ABCA7: variants seen among roughly 807,000 people sequenced by gnomAD.
ABCA7 encodes phospholipid-transporting ATPase ABCA7.
Under a neutral mutation model 227.6 loss-of-function variants are expected in ABCA7, and 261 were observed. That is an observed-to-expected ratio of 1.15 (90% confidence interval 1.04 to 1.27). The LOEUF (loss-of-function observed/expected upper bound fraction) is 1.27. Ranked by LOEUF, ABCA7 falls within the 50% of genes most tolerant of loss-of-function variation. The probability of loss-of-function intolerance (pLI) is 0.00; values close to 1 mark genes in which losing one functional copy is unlikely to be tolerated. For synonymous variants in ABCA7, 1,488 were observed against 1,279.7 expected (o/e 1.16, Z -3.47); for missense variants, 3,331 against 2,924.5 (o/e 1.14, Z -3.21).
At chr19:1,044,088 C>A (rs890628371) in intron 10 of ABCA7, among the ~76,000 whole-genome samples, 3 of 151,218 alleles carry the variant, frequency 2.0e-5, no homozygotes, top group Admixed American at 6.6e-5. Flanking sequence ...AGGCGCCCAC[C>A]ACCACGCCCG....
rs376361974 is a variant in ABCA7, at chr19:1,065,189, G to A, written c.6285+18G>A. On this transcript the variant is annotated intron_variant, in intron 46 of 46. Transcript: ENST00000263094. Reference sequence around the variant, plus strand: ...TGGAGGAGGTGATCACGGCGCCGGGGTCGGGCTGGGGGAGGCAGGCTGGGG... The same window carrying A: ...TGGAGGAGGTGATCACGGCGCCGGGATCGGGCTGGGGGAGGCAGGCTGGGG... 67 of 1,595,242 alleles carry A rather than the reference G, an allele frequency of 4.2e-5. No homozygotes were observed. The African/African-American group carries it at 8.8e-4, about 21-fold the overall frequency.
chr19:1,064,767 G>C, intron 45 of ABCA7, 164 bp from the exon 46 acceptor site: 4 of 1,207,200 alleles, frequency 3.3e-6, no homozygotes, highest in Non-Finnish European at 4.4e-6. Context: ...TGTGGTCTCA[G>C]CTACGCGGGC....
intron 12 of ABCA7, 32 bp from the exon 13 acceptor site, chr19:1,046,198 C>T (rs201343920): frequency 6.2e-7 from 1 of 1,600,256 alleles, no homozygotes; most frequent in Non-Finnish European, 8.5e-7. Context: ...TCTAGCCCTT[C>T]CCTACAACCG....
At chr19:1,057,161 C>T in intron 34 of ABCA7, 77 bp downstream of exon 34, 2 of 1,559,820 alleles carry the variant, frequency 1.3e-6, no homozygotes. Flanking sequence ...TAGGCAGGGG[C>T]TTGTCCAAGA....
At position 1,041,062 on chromosome 19, in the gene ABCA7, G is replaced by T. The variant is rs113166169; in HGVS notation, c.-137-163G>T. ...AAACTCGGTCCCTGGAGGATTAGAG[G>T]ATGATCTTTAAGTCCCCAGCTGTCA... On this transcript the variant is annotated intron_variant, in intron 1 of 46. Transcript: ENST00000263094. The T allele has an allele frequency of 3.9e-4, 191 of 490,548 alleles. 2 individuals carry two copies. The highest frequency in any genetic ancestry group is 3.1e-3 in the African/African-American group (159 of 51,890). The allele number at this position is 490,548 out of a possible 1,614,324, so 30.4% of individuals were successfully genotyped here. A position where few individuals can be genotyped will look rare whatever the true frequency, so the allele number is the denominator to read the frequency against.
At position 1,042,369 on chromosome 19, in the gene ABCA7, C is replaced by T; in HGVS notation, c.470C>T (p.Ala157Val). Residue 157 changes from alanine to valine, a missense_variant, in exon 6 of 47, where the codon GCG (alanine) becomes GTG (valine). Ala to Val is a moderately conservative substitution (Grantham distance 64). Coordinates refer to ENST00000263094, the MANE Select transcript of ABCA7 (RefSeq NM_019112.4). ...SPLEPPMLDV[A>V]ELLTSLLRTE... is the part of the protein sequence containing the mutation. ...CTGGAACCACCCATGCTGGATGTCG[C>T]GGAGCTGCTGACGTCACTGCTGCGC... 1.2e-6 allele frequency: 2 copies of T among 1,604,436 alleles called. No homozygotes were observed. Among genetic ancestry groups the T allele is most frequent in the South Asian group, 2.2e-5 (2 of 90,468 alleles).
chr19:1,042,402 G>T lies in ABCA7; in HGVS notation c.498+5G>T. On this transcript the variant is annotated splice_donor_5th_base_variant and intron_variant, in intron 6 of 46. Coordinates refer to ENST00000263094, the MANE Select transcript of ABCA7 (RefSeq NM_019112.4). ...CTGACGTCACTGCTGCGCACGGTAG[G>T]GTGTCGGGGCGGGACCGCGCTGACT... 6.2e-7 allele frequency: 1 copy of T among 1,610,520 alleles called. No individual in the cohort carries two copies. The highest frequency in any genetic ancestry group is 8.5e-7 in the Non-Finnish European group (1 of 1,178,188).
intron 16 of ABCA7, 79 bp from the exon 17 acceptor site, chr19:1,048,816 A>C: frequency 1.2e-6 from 1 of 820,320 alleles, no homozygotes; most frequent in Non-Finnish European, 1.8e-6. Context: ...CTCAAAAAAA[A>C]AAAAAAACAA....
At chr19:1,058,779 G>T (rs1180852478) in intron 38 of ABCA7, 32 bp downstream of exon 38, 1 of 1,603,468 alleles carries the variant, frequency 6.2e-7, no homozygotes, top group Non-Finnish European at 8.5e-7. Context: ...GGTGGCAGGG[G>T]CCAAGGACCT....
In ABCA7 at chr19:1,051,001, C is replaced by T; in HGVS notation, c.2633C>T (p.Ala878Val). ...CACGACGTCCGCTCCAGCATGGCCG[C>T]CATCCGGCCCCACCTGGGCGTCTGT... ...LGHDVRSSMAAIRPHLGVCPQ... is the reference protein window; with the variant it reads ...LGHDVRSSMAVIRPHLGVCPQ... The change falls in exon 19 of 47, where the codon GCC becomes GTC. Residue 878 changes from alanine to valine, a missense_variant. By Grantham distance (64) the Ala-to-Val change is moderately conservative (BLOSUM62 0). Transcript: ENST00000263094. 1.9e-6 allele frequency: 3 copies of T among 1,612,300 alleles called. No homozygotes were observed. Among genetic ancestry groups the T allele is most frequent in the Non-Finnish European group, 2.5e-6 (3 of 1,179,714 alleles).
intron 40 of ABCA7, among the ~76,000 whole-genome samples, chr19:1,060,014 T>A (rs2042550570): frequency 6.6e-6 from 1 of 152,142 alleles, no homozygotes; most frequent in Non-Finnish European, 1.5e-5. Flanking sequence ...TGGACCCCTA[T>A]TGTATACACA....
Position 1,059,103 on chromosome 19 carries a change from G to A in ABCA7, c.5463+18G>A, listed in dbSNP as rs759729807. The A allele has an allele frequency of 2.0e-5, 32 of 1,609,760 alleles. No individual in the cohort carries two copies. Among genetic ancestry groups the A allele is most frequent in the East Asian group, 4.5e-5 (2 of 44,830 alleles). ...CTGGTGAGGTGAGTCCAGGGGTGGA[G>A]GCCAGGTGCAGGGACAGTGAGTGGC... On this transcript the variant is annotated intron_variant, in intron 40 of 46. Transcript: ENST00000263094.
chr19:1,048,810 A>G (rs77103528), intron 16 of ABCA7, 85 bp from the exon 17 acceptor site: 3 of 601,648 alleles, frequency 5.0e-6, no homozygotes, highest in Non-Finnish European at 7.6e-6. Context: ...CTCCGTCTCA[A>G]AAAAAAAAAA....
rs1468710022 is a variant in ABCA7, at chr19:1,043,531, C to T, written c.930+58C>T. 4 of 1,611,986 alleles carry T rather than the reference C, an allele frequency of 2.5e-6. No homozygotes were observed. The Admixed American group carries it at 5.0e-5, about 20-fold the overall frequency. Reference sequence around the variant, plus strand: ...TGGTGGCCAGAGCCCATCCAGTACCCTCAGTCCAGGTGGGCCAGGGCCAGG... The same window carrying T: ...TGGTGGCCAGAGCCCATCCAGTACCTTCAGTCCAGGTGGGCCAGGGCCAGG... On this transcript the variant is annotated intron_variant, in intron 9 of 46. Coordinates refer to ENST00000263094, the MANE Select transcript of ABCA7 (RefSeq NM_019112.4).
chr19:1,050,652 C>T (rs1215355066), intron 18 of ABCA7, among the ~76,000 whole-genome samples: 9 of 150,344 alleles, frequency 6.0e-5, no homozygotes, highest in African/African-American at 2.2e-4. Flanking sequence ...TGGTGGCGGG[C>T]GCCTGTAGTC....
rs1283341962 is a variant in ABCA7, at chr19:1,045,092, G to A, written c.1306G>A (p.Ala436Thr). The change falls in exon 12 of 47, where the codon GCC becomes ACC. Residue 436 changes from alanine (A) to threonine (T), a missense_variant. Ala to Thr is a moderately conservative substitution (Grantham distance 58, BLOSUM62 0). Transcript: ENST00000263094. ...LQLLAEHRFWAGVVFLGPEDS... is the reference protein window; with the variant it reads ...LQLLAEHRFWTGVVFLGPEDS... The stretch of plus-strand genomic sequence containing the variant: ...ACTGCTCGCGGAACATCGATTCTGG[G>A]CCGGCGTCGTCTTCTTGGGACCTGA... The A allele has an allele frequency of 3.1e-6, 5 of 1,612,966 alleles. No individual in the cohort carries two copies. The highest frequency in any genetic ancestry group is 4.2e-6 in the Non-Finnish European group (5 of 1,179,994).
At position 1,045,204 on chromosome 19, in the gene ABCA7, T is replaced by G; in HGVS notation, c.1418T>G (p.Val473Gly). 1 of 1,587,526 alleles carries G rather than the reference T, an allele frequency of 6.3e-7. No homozygotes were observed. Among genetic ancestry groups the G allele is most frequent in the Non-Finnish European group, 8.6e-7 (1 of 1,163,788 alleles). The stretch of plus-strand genomic sequence containing the variant: ...AAAATCCGCATGGACATTGACGTGG[T>G]CACGAGGACCAATAAGATCAGGGAC... ...RIKIRMDIDV[V>G]TRTNKIRDRF... The change falls in exon 12 of 47, where the codon GTC becomes GGC. Residue 473 changes from valine to glycine, a missense_variant. Val to Gly is a moderately radical substitution (Grantham distance 109). Coordinates refer to ENST00000263094, the MANE Select transcript of ABCA7 (RefSeq NM_019112.4).
Position 1,054,521 on chromosome 19 carries a change from C to G in ABCA7, c.3727-49C>G. On this transcript the variant is annotated intron_variant, in intron 27 of 46. Coordinates refer to ENST00000263094, the MANE Select transcript of ABCA7 (RefSeq NM_019112.4). The surrounding 1 kb of genome is among the most constrained non-coding windows in gnomAD (Gnocchi z 4.8). ...GAGCAGGAGCAGGGACAGGTGCAAG[C>G]AAGCCTGGAGGGTGGATGGAAGCAG... is the stretch of plus-strand genomic sequence containing the variant. 6.3e-7 allele frequency: 1 copy of G among 1,590,196 alleles called. No homozygotes were observed. The highest frequency in any genetic ancestry group is 1.3e-5 in the African/African-American group (1 of 74,726).
chr19:1,041,660 C>T, intron 3 of ABCA7, 57 bp downstream of exon 3: 1 of 1,586,198 alleles, frequency 6.3e-7, no homozygotes, highest in Non-Finnish European at 8.6e-7. Context: ...AGATGGCTCA[C>T]CCGTGCACAG....
Sources: allele counts gnomAD v4.1 joint callset (sites outside exome capture counted in the v4.1 genomes callset), GRCh38; gene constraint gnomAD v4.1.1; non-coding constraint Gnocchi (gnomAD v3.1); transcripts MANE v1.5; gene names NCBI Gene and HGNC (gene_info 2026-07-23, HGNC 2026-07-21).